EPB41L5: variants seen among roughly 807,000 people sequenced by gnomAD.
The protein encoded by EPB41L5 is erythrocyte membrane protein band 4.1 like 5, also known as band 4.1-like protein 5.
A neutral mutation model predicts 106.6 loss-of-function variants in EPB41L5; 55 were observed. The ratio of observed to expected loss-of-function variants is 0.52; its 90% CI spans 0.42 to 0.65. The LOEUF is 0.65. Among genes scored for constraint, EPB41L5 ranks in the 30% least tolerant of loss-of-function variants. EPB41L5 has a pLI of 0.00. For synonymous variants in EPB41L5, 297 were observed against 306.7 expected (o/e 0.97, Z 0.33); for missense variants, 871 against 882.1 (o/e 0.99, Z 0.16).
At chr2:120,165,609 C>T (rs1260400884) in intron 22 of EPB41L5, among the ~76,000 whole-genome samples, 5 of 152,128 alleles carry the variant, frequency 3.3e-5, no homozygotes, top group East Asian at 3.8e-4. Flanking sequence ...TCCACAGATG[C>T]ACAACTCATG....
intron 10 of EPB41L5, among the ~76,000 whole-genome samples, chr2:120,081,290 G>A (rs567207769): frequency 2.6e-5 from 4 of 152,246 alleles, no homozygotes; most frequent in African/African-American, 9.6e-5. Flanking sequence ...TTTGTATAAG[G>A]TGTAAGGAAG....
chr2:120,171,021 T>C (rs908492554), intron 24 of EPB41L5, among the ~76,000 whole-genome samples: 9 of 152,248 alleles, frequency 5.9e-5, no homozygotes, highest in African/African-American at 1.9e-4. Flanking sequence ...TTTTTAAAAA[T>C]GATGACTGGG....
intron 2 of EPB41L5, among the ~76,000 whole-genome samples, chr2:120,023,025 G>A (rs543239474): frequency 1.3e-5 from 2 of 152,196 alleles, no homozygotes; most frequent in South Asian, 4.2e-4. Context: ...TTTTGATGGG[G>A]TTGTTTGTTT....
At chr2:120,142,458 G>A (rs771084471) in intron 18 of EPB41L5, among the ~76,000 whole-genome samples, 2 of 152,136 alleles carry the variant, frequency 1.3e-5, no homozygotes, top group Non-Finnish European at 2.9e-5. Context: ...AATCTCAACT[G>A]CATTCAGCGA....
At chr2:120,162,081 T>C (rs1326737782) in intron 21 of EPB41L5, among the ~76,000 whole-genome samples, 1 of 152,200 alleles carries the variant, frequency 6.6e-6, no homozygotes, top group Non-Finnish European at 1.5e-5. Flanking sequence ...TCTACTACCT[T>C]GGCCTCGCAA....
intron 18 of EPB41L5, among the ~76,000 whole-genome samples, chr2:120,134,333 A>G (rs1166912352): frequency 1.3e-5 from 2 of 152,150 alleles, no homozygotes; most frequent in Non-Finnish European, 2.9e-5. Flanking sequence ...CTTAGACGGC[A>G]TTTCTGAACT....
chr2:120,132,124 C>T (rs1426758221), intron 18 of EPB41L5, among the ~76,000 whole-genome samples: 1 of 152,170 alleles, frequency 6.6e-6, no homozygotes, highest in African/African-American at 2.4e-5. Flanking sequence ...ATTCCTTTCT[C>T]TCCCCTGTCC....
At chr2:120,096,157 T>C (rs1683741019) in intron 14 of EPB41L5, among the ~76,000 whole-genome samples, 1 of 152,200 alleles carries the variant, frequency 6.6e-6, no homozygotes, top group East Asian at 1.9e-4. Context: ...CTCACTAGAC[T>C]TTTTTCAAAA....
chr2:120,072,469 A>G (rs1221473202), intron 3 of EPB41L5, among the ~76,000 whole-genome samples: 2 of 152,202 alleles, frequency 1.3e-5, no homozygotes, highest in Non-Finnish European at 2.9e-5. Flanking sequence ...TACTATAAAG[A>G]CACATGCACA....
intron 10 of EPB41L5, among the ~76,000 whole-genome samples, chr2:120,084,833 C>CT (rs1558860585): frequency 6.6e-6 from 1 of 152,090 alleles, no homozygotes; most frequent in Admixed American, 6.6e-5. Flanking sequence ...CCTTTTTACT[C>CT]TTTTTTTCTC....
chr2:120,104,602 C>T (rs967703488), intron 16 of EPB41L5: 3 of 992,574 alleles, frequency 3.0e-6, no homozygotes, highest in South Asian at 4.7e-5. Flanking sequence ...CCAAAGAGAT[C>T]GAGGTTAAAA....
intron 3 of EPB41L5, among the ~76,000 whole-genome samples, chr2:120,055,577 C>T (rs540528360): frequency 9.6e-4 from 140 of 145,578 alleles, no homozygotes; most frequent in African/African-American, 3.5e-3. Flanking sequence ...GAACCTCTGC[C>T]TCCCGGGTTC....
At chr2:120,108,849 G>T (rs920055822) in intron 16 of EPB41L5, among the ~76,000 whole-genome samples, 3 of 152,124 alleles carry the variant, frequency 2.0e-5, no homozygotes, top group African/African-American at 7.2e-5. Context: ...GAAAGACCTG[G>T]GAAGATTGGG....
chr2:120,045,591 T>C (rs1276214330), intron 3 of EPB41L5, among the ~76,000 whole-genome samples: 2 of 152,192 alleles, frequency 1.3e-5, no homozygotes, highest in Non-Finnish European at 2.9e-5. Context: ...TGTATTCAGA[T>C]AATGTTAACT....
intron 16 of EPB41L5, among the ~76,000 whole-genome samples, chr2:120,116,328 A>T (rs958508287): frequency 6.6e-6 from 1 of 152,140 alleles, no homozygotes; most frequent in African/African-American, 2.4e-5. Flanking sequence ...TCATCATTTC[A>T]TCCAGCTTTC....
At chr2:120,025,359 A>G (rs150915115) in intron 2 of EPB41L5, among the ~76,000 whole-genome samples, 1 of 151,766 alleles carries the variant, frequency 6.6e-6, no homozygotes, top group East Asian at 1.9e-4. Flanking sequence ...ATTATTTTTC[A>G]TTGTGTCTAT....
intron 16 of EPB41L5, among the ~76,000 whole-genome samples, chr2:120,115,210 CCA>C (rs1684892896): frequency 6.6e-6 from 1 of 152,070 alleles, no homozygotes; most frequent in Non-Finnish European, 1.5e-5. Flanking sequence ...ATTCATTTTG[CCA>C]ATCTCTGTCT....
At chr2:120,142,113 T>TTAAA (rs755241969) in intron 18 of EPB41L5, among the ~76,000 whole-genome samples, 1 of 143,188 alleles carries the variant, frequency 7.0e-6, no homozygotes, top group African/African-American at 2.6e-5. Context: ...CTTTCTTTTT[T>TTAAA]AAAAAAAAAA....
At chr2:120,162,908 A>C (rs1223977407) in intron 21 of EPB41L5, among the ~76,000 whole-genome samples, 1 of 152,156 alleles carries the variant, frequency 6.6e-6, no homozygotes, top group Non-Finnish European at 1.5e-5. Flanking sequence ...TGCACGTTGA[A>C]ATATGAATAG....
Sources: allele counts gnomAD v4.1 joint callset (sites outside exome capture counted in the v4.1 genomes callset), GRCh38; gene constraint gnomAD v4.1.1; transcripts MANE v1.5; gene names NCBI Gene and HGNC (gene_info 2026-07-23, HGNC 2026-07-21).